The following TENM3 variants were observed in gnomAD, a reference collection of about 807,000 sequenced individuals.
TENM3 encodes teneurin transmembrane protein 3, also known as teneurin-3.
In TENM3, 63 loss-of-function variants were observed where a neutral mutation model predicts 255.1. The ratio of observed to expected loss-of-function variants is 0.25; its 90% CI spans 0.20 to 0.30. The LOEUF (loss-of-function observed/expected upper bound fraction) is 0.30. TENM3 is among the 10% of genes least tolerant of loss of function. The probability of loss-of-function intolerance (pLI) is 1.00; values close to 1 mark genes in which losing one functional copy is unlikely to be tolerated. For missense variants in TENM3, 2,929 were observed against 3,461.1 expected, an observed-to-expected ratio of 0.85 and a Z score of 3.86; for synonymous variants, 1,306 against 1,322.3, an observed-to-expected ratio of 0.99 and a Z score of 0.27.
At chr4:182,458,981 G>A (rs979808584) in intron 3 of TENM3, among the ~76,000 whole-genome samples, 6 of 152,148 alleles carry the variant, frequency 3.9e-5, no homozygotes, top group Non-Finnish European at 5.9e-5. Context: ...CCAATGTTCC[G>A]TTATAGTACC....
the TENM3 span, among the ~76,000 whole-genome samples, chr4:181,617,898 G>T: frequency 2.0e-5 from 3 of 152,188 alleles, no homozygotes; most frequent in Non-Finnish European, 4.4e-5. Flanking sequence ...ATTTGGTGGA[G>T]CAGAGAAACA....
intron 3 of TENM3, among the ~76,000 whole-genome samples, chr4:182,397,413 A>AAAAAAAAAAAAAAAAAAAAAAG: frequency 7.7e-6 from 1 of 130,524 alleles, no homozygotes; most frequent in African/African-American, 3.4e-5. Context: ...AAAAAAAAAA[A>AAAAAAAAAAAAAAAAAAAAAAG]AAAAAAAAAA....
At chr4:182,660,700 A>G (rs1294035640) in intron 6 of TENM3, among the ~76,000 whole-genome samples, 4 of 152,214 alleles carry the variant, frequency 2.6e-5, no homozygotes, top group African/African-American at 7.2e-5. Flanking sequence ...TTATGAAAGA[A>G]ATATTATCGT....
Position 182,535,760 on chromosome 4 carries a change from A to G in TENM3, c.512-65164A>G, listed in dbSNP as rs114318595. ...ATGTCAAAAAAAAAAAAAACACAGA[A>G]TTTTTTTGTAATGGCATTTAATCTG... On this transcript the variant is annotated intron_variant, in intron 3 of 27. Coordinates refer to ENST00000511685, the MANE Select transcript of TENM3 (RefSeq NM_001080477.4). Among the ~76,000 whole-genome samples the G allele has an allele frequency of 6.5e-3, 983 of 151,848 alleles. 11 individuals are homozygous for G. Among genetic ancestry groups the G allele is most frequent in the African/African-American group, 0.022 (931 of 41,438 alleles).
At chr4:182,436,452 A>G (rs1014952410) in intron 3 of TENM3, among the ~76,000 whole-genome samples, 2 of 152,176 alleles carry the variant, frequency 1.3e-5, no homozygotes, top group African/African-American at 4.8e-5. Context: ...GGTGCTGCAT[A>G]ATCTCTTCTG....
chr4:182,515,810 A>G (rs1737878043), intron 3 of TENM3, among the ~76,000 whole-genome samples: 1 of 152,182 alleles, frequency 6.6e-6, no homozygotes, highest in Admixed American at 6.5e-5. Flanking sequence ...TCTGTGATAC[A>G]GTAAAAGTCT....
chr4:182,598,642 A>G (rs1301089250), intron 3 of TENM3, among the ~76,000 whole-genome samples: 1 of 152,172 alleles, frequency 6.6e-6, no homozygotes, highest in Non-Finnish European at 1.5e-5. Context: ...TTATTTTACC[A>G]TTTACACAGA....
the TENM3 span, among the ~76,000 whole-genome samples, chr4:181,537,323 T>C: frequency 6.6e-6 from 1 of 152,152 alleles, no homozygotes; most frequent in Admixed American, 6.5e-5. Context: ...AAAGAGCTTC[T>C]ACATGAGACA....
At chr4:182,065,105 G>GCTCAC in the TENM3 span, among the ~76,000 whole-genome samples, 4 of 149,632 alleles carry the variant, frequency 2.7e-5, no homozygotes, top group African/African-American at 4.9e-5. Flanking sequence ...TGCAATCTCA[G>GCTCAC]CTCACCTCAA....
At chr4:182,468,041 A>G (rs139021007) in intron 3 of TENM3, among the ~76,000 whole-genome samples, 3 of 152,184 alleles carry the variant, frequency 2.0e-5, no homozygotes, top group Non-Finnish European at 2.9e-5. Context: ...TGAAACTTAA[A>G]TTCATAATAA....
intron 3 of TENM3, among the ~76,000 whole-genome samples, chr4:182,578,178 T>C (rs1199909451): frequency 6.6e-6 from 1 of 152,106 alleles, no homozygotes; most frequent in Admixed American, 6.5e-5. Flanking sequence ...GGTTTCACCA[T>C]ATTGGCCAGG....
chr4:181,582,871 T>C, the TENM3 span, among the ~76,000 whole-genome samples: 3 of 152,120 alleles, frequency 2.0e-5, no homozygotes, highest in Non-Finnish European at 4.4e-5. Flanking sequence ...GTAGGAAGGA[T>C]GTTGTTCAGT....
rs1764430746 is a variant in TENM3, at chr4:182,773,469, T to C, written c.4893-3T>C. Reference sequence around the variant, plus strand: ...ACACCAAGTTAATGCCTCTTGTATTTAGCTATGACAGTGAAGGTCGTCTGA... The same window carrying C: ...ACACCAAGTTAATGCCTCTTGTATTCAGCTATGACAGTGAAGGTCGTCTGA... On this transcript the variant is annotated splice_region_variant and splice_polypyrimidine_tract_variant and intron_variant, in intron 22 of 27. Coordinates refer to ENST00000511685, the MANE Select transcript of TENM3 (RefSeq NM_001080477.4). The C allele has an allele frequency of 6.2e-7, 1 of 1,605,514 alleles. No homozygotes were observed. Among genetic ancestry groups the C allele is most frequent in the East Asian group, 2.2e-5 (1 of 44,702 alleles).
chr4:182,800,601 A>C lies in TENM3; in HGVS notation c.*250A>C. 1 of 393,432 alleles carries C rather than the reference A, an allele frequency of 2.5e-6. No homozygotes were observed. The highest frequency in any genetic ancestry group is 4.5e-6 in the Non-Finnish European group (1 of 220,664). 24.4% of individuals were successfully genotyped at this position (393,432 alleles called of 1,614,324 possible). A position where few individuals can be genotyped will look rare whatever the true frequency, so the allele number is the denominator to read the frequency against. On this transcript the variant is annotated 3_prime_UTR_variant, in exon 28 of 28. Transcript: ENST00000511685. Reference sequence around the variant, plus strand: ...CGGACTGAACGTAGCCAGAGGAAAAAAAAATCATCAAGGACAAAGGCCTCG... The same window carrying C: ...CGGACTGAACGTAGCCAGAGGAAAACAAAATCATCAAGGACAAAGGCCTCG...
chr4:181,694,380 C>T, the TENM3 span, among the ~76,000 whole-genome samples: 1 of 152,178 alleles, frequency 6.6e-6, no homozygotes, highest in Non-Finnish European at 1.5e-5. Context: ...TAAGCACCTA[C>T]TCCTGGGCTA....
At chr4:182,250,108 A>T (rs1389832328) in intron 1 of TENM3, among the ~76,000 whole-genome samples, 3 of 138,510 alleles carry the variant, frequency 2.2e-5, no homozygotes, top group Non-Finnish European at 4.5e-5. Context: ...ACTGGAGTGC[A>T]GTGGTGCGAT....
chr4:181,834,830 G>A, the TENM3 span: 1 of 152,178 alleles, frequency 6.6e-6, no homozygotes, highest in African/African-American at 2.4e-5. Flanking sequence ...CTAAAGAAAA[G>A]GATGTCTTAT....
chr4:181,918,792 G>A, the TENM3 span, among the ~76,000 whole-genome samples: 3 of 151,882 alleles, frequency 2.0e-5, no homozygotes, highest in South Asian at 4.2e-4. Context: ...TGTCCCTGAA[G>A]GTATATAAAT....
chr4:181,817,581 TG>T, the TENM3 span, among the ~76,000 whole-genome samples: 1 of 152,316 alleles, frequency 6.6e-6, no homozygotes, highest in South Asian at 2.1e-4. Context: ...TAATCCTCAA[TG>T]TAACAGTATT....
Sources: allele counts gnomAD v4.1 joint callset (sites outside exome capture counted in the v4.1 genomes callset), GRCh38; gene constraint gnomAD v4.1.1; transcripts MANE v1.5; gene names NCBI Gene and HGNC (gene_info 2026-07-23, HGNC 2026-07-21).